The following HTR4 variants were observed in gnomAD, a reference collection of about 807,000 sequenced individuals.
The protein encoded by HTR4 is 5-hydroxytryptamine (serotonin) receptor 4, G protein-coupled.
Under a neutral mutation model 36.8 loss-of-function variants are expected in HTR4, and 16 were observed. The observed-to-expected ratio is 0.43, with a 90% CI of 0.29 to 0.66. HTR4 has a LOEUF of 0.66. Among genes scored for constraint, HTR4 ranks in the 30% least tolerant of loss-of-function variants. The pLI, the probability that HTR4 is intolerant of heterozygous loss-of-function variation, is 0.13. For missense variants in HTR4, 438 were observed against 490.9 expected, an observed-to-expected ratio of 0.89 and a Z score of 1.02; for synonymous variants, 189 against 185.1, an observed-to-expected ratio of 1.02 and a Z score of -0.17.
At chr5:148,596,569 T>C (rs1483787459) in intron 2 of HTR4, among the ~76,000 whole-genome samples, 3 of 152,090 alleles carry the variant, frequency 2.0e-5, no homozygotes, top group Non-Finnish European at 4.4e-5. Context: ...CATATTAGAA[T>C]GTTTCACAGC....
intron 2 of HTR4, among the ~76,000 whole-genome samples, chr5:148,619,997 G>A (rs1752854489): frequency 6.6e-6 from 1 of 152,142 alleles, no homozygotes; most frequent in African/African-American, 2.4e-5. Flanking sequence ...TACAAGAACA[G>A]ACAATAGACA....
intron 4 of HTR4, among the ~76,000 whole-genome samples, chr5:148,538,989 ACAG>A (rs1384704735): frequency 1.3e-5 from 2 of 152,210 alleles, no homozygotes; most frequent in African/African-American, 4.8e-5. Flanking sequence ...CTACAGGGCT[ACAG>A]TAACCAAAAC....
At chr5:148,520,863 T>A in intron 5 of HTR4, 1 of 1,366,666 alleles carries the variant, frequency 7.3e-7, no homozygotes. Flanking sequence ...CACTTCTAAT[T>A]CACTCTTCTG....
At chr5:148,647,945 T>A (rs10042403) in intron 1 of HTR4, among the ~76,000 whole-genome samples, 33,112 of 152,110 alleles carry the variant, frequency 0.22, 4,242 homozygotes, top group African/African-American at 0.35. Flanking sequence ...GACCTTGGAC[T>A]GGTCAGGTCA....
intron 4 of HTR4, among the ~76,000 whole-genome samples, chr5:148,530,218 G>A (rs897329642): frequency 6.6e-6 from 1 of 152,186 alleles, no homozygotes; most frequent in Non-Finnish European, 1.5e-5. Context: ...GTAACAAGAA[G>A]CTGAATGTTA....
At chr5:148,476,324 A>G (rs1354228266), downstream of HTR4, among the ~76,000 whole-genome samples, 1 of 152,246 alleles carries the variant, frequency 6.6e-6, no homozygotes, top group Non-Finnish European at 1.5e-5. Flanking sequence ...CTTTCTATAA[A>G]TACAAAACTT....
intron 6 of HTR4, chr5:148,490,863 A>T (rs1301538747): frequency 2.0e-6 from 1 of 493,232 alleles, no homozygotes. Flanking sequence ...ATATATAAAA[A>T]CAATAATTAT....
chr5:148,611,300 G>T lies in HTR4; in HGVS notation c.26+25689C>A, dbSNP rs1474596891. ...GAGAAAGGTCGGGTTACTCTCAAAG[G>T]GAAGCCCATCAGACTAACAGCGGAT... On this transcript the variant is annotated intron_variant, in intron 2 of 6. Transcript: ENST00000377888. Among the ~76,000 whole-genome samples the T allele has an allele frequency of 2.6e-5, 4 of 151,970 alleles. 1 individual carries two copies. The highest frequency in any genetic ancestry group is 5.9e-5 in the Non-Finnish European group (4 of 68,016).
downstream of HTR4, among the ~76,000 whole-genome samples, chr5:148,473,880 G>A (rs1242600597): frequency 6.6e-6 from 1 of 151,856 alleles, no homozygotes; most frequent in Non-Finnish European, 1.5e-5. Flanking sequence ...GCTGTAATAG[G>A]AAGGTCTGAA....
At chr5:148,518,325 T>C (rs1466408872) in intron 5 of HTR4, among the ~76,000 whole-genome samples, 1 of 152,146 alleles carries the variant, frequency 6.6e-6, no homozygotes, top group Admixed American at 6.6e-5. Flanking sequence ...TCATTGTCTA[T>C]ACTGTTCAAT....
intron 4 of HTR4, among the ~76,000 whole-genome samples, chr5:148,527,814 A>G (rs1184593448): frequency 6.6e-6 from 1 of 152,116 alleles, no homozygotes; most frequent in Non-Finnish European, 1.5e-5. Context: ...GGGTTTCGCT[A>G]TGTTGGCTAG....
At chr5:148,478,876 G>T (rs1310367381), downstream of HTR4, among the ~76,000 whole-genome samples, 1 of 152,122 alleles carries the variant, frequency 6.6e-6, no homozygotes, top group Non-Finnish European at 1.5e-5. Context: ...TCTGTCTCCT[G>T]ACTGCTGACA....
intron 2 of HTR4, among the ~76,000 whole-genome samples, chr5:148,586,994 G>A (rs1761372581): frequency 6.6e-6 from 1 of 152,092 alleles, no homozygotes; most frequent in Non-Finnish European, 1.5e-5. Flanking sequence ...CAGTGTTTCT[G>A]AAACACTTGC....
intron 2 of HTR4, among the ~76,000 whole-genome samples, chr5:148,617,360 T>G (rs74792352): frequency 0.017 from 2,558 of 152,336 alleles, 120 homozygotes; most frequent in East Asian, 0.12. Flanking sequence ...ATGAGCCAAC[T>G]AAACCTCTTT....
At chr5:148,594,050 G>C (rs560041265) in intron 2 of HTR4, among the ~76,000 whole-genome samples, 1 of 152,008 alleles carries the variant, frequency 6.6e-6, no homozygotes, top group Non-Finnish European at 1.5e-5. Flanking sequence ...ACTATGCTTC[G>C]TAGTGAAAGT....
chr5:148,486,944 G>T (rs958577493), intron 6 of HTR4, among the ~76,000 whole-genome samples: 8 of 152,138 alleles, frequency 5.3e-5, no homozygotes, highest in Non-Finnish European at 1.0e-4. Context: ...ACATATGTTT[G>T]ATCAAAAACA....
chr5:148,491,594 A>G (rs953961698), intron 6 of HTR4, among the ~76,000 whole-genome samples: 1 of 152,100 alleles, frequency 6.6e-6, no homozygotes, highest in African/African-American at 2.4e-5. Flanking sequence ...TCCACCCACT[A>G]TATACCAATA....
At position 148,575,245 on chromosome 5, in the gene HTR4, C is replaced by T. The variant is rs77315840; in HGVS notation, c.27-24983G>A. Among the ~76,000 whole-genome samples, 1,112 of 152,174 alleles carry T rather than the reference C, an allele frequency of 7.3e-3. 20 individuals carry two copies. Among genetic ancestry groups the T allele is most frequent in the African/African-American group, 0.025 (1,056 of 41,528 alleles). ...ATTACAAGAGGTCTATACCTCAACA[C>T]GGCCTTCCTGTGACGCCAGTTACCC... On this transcript the variant is annotated intron_variant, in intron 2 of 6. Coordinates refer to ENST00000377888, the MANE Select transcript of HTR4 (RefSeq NM_000870.7).
downstream of HTR4, among the ~76,000 whole-genome samples, chr5:148,473,483 A>G (rs1041965055): frequency 6.6e-6 from 1 of 152,222 alleles, no homozygotes; most frequent in Non-Finnish European, 1.5e-5. Context: ...ATCAGTAATA[A>G]TAACAGTAAT....
Sources: gnomAD v4.1 joint callset for allele counts (sites outside exome capture counted in the v4.1 genomes callset) on GRCh38, gnomAD v4.1.1 for gene constraint, MANE v1.5 for transcripts, NCBI Gene and HGNC (gene_info 2026-07-23, HGNC 2026-07-21) for gene names.